Variants in ASPSCR1 observed in about 807,000 individuals in gnomAD.
ASPSCR1 encodes ASPSCR1 tether for SLC2A4, UBX domain containing.
Under a neutral mutation model 68.9 loss-of-function variants are expected in ASPSCR1, and 55 were observed. That is an observed-to-expected ratio of 0.80 (90% CI 0.64 to 1.00). The LOEUF (loss-of-function observed/expected upper bound fraction) is 1.00, where lower values mean the gene tolerates loss of function less well. Among genes scored for constraint, ASPSCR1 ranks in the 50% least tolerant of loss-of-function variants. ASPSCR1 has a pLI of 0.00. For synonymous variants in ASPSCR1, 352 were observed against 332.6 expected (o/e 1.06, Z -0.63); for missense variants, 765 against 762.2 (o/e 1.00, Z -0.04).
rs1393773455 is a variant in ASPSCR1 at position 82,017,059 on chromosome 17, G to A, written c.1594G>A (p.Ala532Thr). The change falls in exon 15 of 16, where the codon GCC becomes ACC. Residue 532 changes from alanine (A) to threonine (T), a missense_variant. By Grantham distance (58) the Ala-to-Thr change is moderately conservative. Coordinates refer to ENST00000306739, the MANE Select transcript of ASPSCR1 (RefSeq NM_024083.4). ...CCCCCCTGAGCCCATCCCAGGGACGGCCCAGCCCGTGAAGAGGAGCCTGGG... is the reference window on the plus strand; with the variant it reads ...CCCCCCTGAGCCCATCCCAGGGACGACCCAGCCCGTGAAGAGGAGCCTGGG... ...LVPPEPIPGT[A>T]QPVKRSLGKV... The A allele has an allele frequency of 4.3e-6, 7 of 1,610,112 alleles. No homozygotes were observed. In the African/African-American group the frequency reaches 9.3e-5, roughly 21 times the overall value.
In ASPSCR1 at chr17:82,017,039, C is replaced by T. The variant is rs1362769025; in HGVS notation, c.1574C>T (p.Pro525Leu). The T allele has an allele frequency of 1.2e-6, 2 of 1,608,086 alleles. No homozygotes were observed. The highest frequency in any genetic ancestry group is 1.7e-5 in the Admixed American group (1 of 59,964). ...GCTGAGGAGGGGGCGCTGGTCCCCC[C>T]TGAGCCCATCCCAGGGACGGCCCAG... is the stretch of plus-strand genomic sequence containing the variant. Reference protein sequence around the residue: ...PAAEEGALVPPEPIPGTAQPV... With the variant: ...PAAEEGALVPLEPIPGTAQPV... Residue 525 changes from proline (P) to leucine (L), a missense_variant, in exon 15 of 16, where the codon CCT becomes CTT. By Grantham distance (98) the Pro-to-Leu change is moderately conservative. Transcript: ENST00000306739.
At chr17:81,993,395 A>G (rs1427802620) in intron 4 of ASPSCR1, among the ~76,000 whole-genome samples, 1 of 152,062 alleles carries the variant, frequency 6.6e-6, no homozygotes, top group Admixed American at 6.5e-5. Flanking sequence ...TTGTATTTTT[A>G]GTAGAGACGG....
intron 7 of ASPSCR1, chr17:82,008,179 G>C (rs1350231391): frequency 1.3e-5 from 2 of 152,842 alleles, no homozygotes; most frequent in African/African-American, 4.8e-5. Context: ...TGGGCATGGT[G>C]GGGGTGCTGG....
chr17:81,981,874 C>T (rs1015723340), intron 2 of ASPSCR1, among the ~76,000 whole-genome samples: 4 of 152,200 alleles, frequency 2.6e-5, no homozygotes, highest in African/African-American at 9.7e-5. Context: ...CCATGTGGAC[C>T]AGGCTGGTCT....
intron 9 of ASPSCR1, chr17:82,009,780 AG>A: frequency 2.4e-6 from 1 of 413,090 alleles, no homozygotes; most frequent in Admixed American, 4.1e-5. Flanking sequence ...TACAGCTCTG[AG>A]GGGGCCCCCT....
chr17:81,997,860 TC>T, intron 7 of ASPSCR1, among the ~76,000 whole-genome samples: 1 of 149,684 alleles, frequency 6.7e-6, no homozygotes, highest in East Asian at 2.0e-4. Flanking sequence ...GAGTTTTGCT[TC>T]TGTCGCCCAG....
intron 12 of ASPSCR1, chr17:82,015,499 C>A: frequency 1.8e-6 from 2 of 1,131,588 alleles, no homozygotes; most frequent in Non-Finnish European, 2.4e-6. Context: ...TGGGGCAGTG[C>A]TGGTTGGGGG....
intron 7 of ASPSCR1, among the ~76,000 whole-genome samples, chr17:82,004,080 CTG>C (rs988341809): frequency 5.3e-5 from 8 of 152,236 alleles, no homozygotes; most frequent in African/African-American, 1.9e-4. Flanking sequence ...CATTTTTCCT[CTG>C]TGTGTCATCA....
chr17:82,000,311 T>C (rs1048675148), intron 7 of ASPSCR1, among the ~76,000 whole-genome samples: 3 of 152,040 alleles, frequency 2.0e-5, no homozygotes, highest in Non-Finnish European at 4.4e-5. Flanking sequence ...CGGGAGGCGC[T>C]GTTGGGGTGG....
intron 7 of ASPSCR1, chr17:82,004,763 A>T (rs537873514): frequency 1.0e-4 from 16 of 152,420 alleles, no homozygotes; most frequent in Admixed American, 5.9e-4. Flanking sequence ...GACTCTGCCC[A>T]GCAAGAGGGG....
chr17:81,996,690 G>T lies in ASPSCR1; in HGVS notation c.777G>T (p.Thr259=), dbSNP rs771769700. 4 of 1,613,340 alleles carry T rather than the reference G, an allele frequency of 2.5e-6. No homozygotes were observed. The highest frequency in any genetic ancestry group is 3.4e-6 in the Non-Finnish European group (4 of 1,179,950). The change falls in exon 7 of 16, where the codon ACG becomes ACT. Residue 259 remains threonine, a synonymous_variant. Transcript: ENST00000306739. Reference sequence around the variant, plus strand: ...GACTGGGGGGCCCTCCTGGGCCCACGAGGCCTCTGACATCATCTTCAGCTA... The same window carrying T: ...GACTGGGGGGCCCTCCTGGGCCCACTAGGCCTCTGACATCATCTTCAGCTA... ...GQRLGGPPGP[T]RPLTSSSAKL... is the part of the protein sequence containing the mutation.
chr17:82,010,460 T>C (rs1204139082), intron 9 of ASPSCR1, among the ~76,000 whole-genome samples: 3 of 133,418 alleles, frequency 2.2e-5, no homozygotes, highest in Non-Finnish European at 3.1e-5. Flanking sequence ...ACCCGGGAGG[T>C]GGAGCTTACA....
At chr17:81,991,034 G>A (rs1043510944) in intron 4 of ASPSCR1, among the ~76,000 whole-genome samples, 1 of 152,270 alleles carries the variant, frequency 6.6e-6, no homozygotes, top group Admixed American at 6.5e-5. Context: ...GAAGAGAACC[G>A]GGGACTGTTG....
At chr17:81,980,818 A>G (rs2041772090) in intron 2 of ASPSCR1, among the ~76,000 whole-genome samples, 1 of 152,172 alleles carries the variant, frequency 6.6e-6, no homozygotes. Context: ...TCCTATGTGC[A>G]AAAAATGGCA....
At chr17:82,008,040 C>T (rs1175853390) in intron 7 of ASPSCR1, 5 of 152,352 alleles carry the variant, frequency 3.3e-5, no homozygotes, top group African/African-American at 1.2e-4. Context: ...ATAACAGAGC[C>T]ACATGCTGGG....
chr17:82,008,968 C>G, intron 7 of ASPSCR1, 69 bp from the exon 8 acceptor site: 1 of 1,426,816 alleles, frequency 7.0e-7, no homozygotes, highest in African/African-American at 1.5e-5. Context: ...TCGGCTGGGG[C>G]ACTGACAGCC....
chr17:81,992,348 C>T (rs2042197599), intron 4 of ASPSCR1, among the ~76,000 whole-genome samples: 1 of 152,222 alleles, frequency 6.6e-6, no homozygotes, highest in Non-Finnish European at 1.5e-5. Context: ...TTGCCCACCA[C>T]CCCTCCCTGA....
Position 82,017,384 on chromosome 17 carries a change from A to G in ASPSCR1, c.*62A>G, listed in dbSNP as rs545134768. ...AGGACCACCTCCTCTGCCAGCAGGAATAAAGACTTGTGCATCCCTCAACGC... is the reference window on the plus strand; with the variant it reads ...AGGACCACCTCCTCTGCCAGCAGGAGTAAAGACTTGTGCATCCCTCAACGC... On this transcript the variant is annotated 3_prime_UTR_variant, in exon 16 of 16. Transcript: ENST00000306739. 2.2e-5 allele frequency: 35 copies of G among 1,610,228 alleles called. No homozygotes were observed. In the South Asian group the frequency reaches 3.6e-4, roughly 17 times the overall value.
intron 7 of ASPSCR1, among the ~76,000 whole-genome samples, chr17:82,003,582 G>A (rs1232967754): frequency 1.3e-5 from 2 of 152,252 alleles, no homozygotes; most frequent in East Asian, 3.8e-4. Context: ...GTCTCCTCTG[G>A]GTGGGATTCG....
Sources: allele counts gnomAD v4.1 joint callset (sites outside exome capture counted in the v4.1 genomes callset), GRCh38; gene constraint gnomAD v4.1.1; transcripts MANE v1.5; gene names NCBI Gene and HGNC (gene_info 2026-07-23, HGNC 2026-07-21).